PSMA1: variants seen among roughly 807,000 people sequenced by gnomAD.
PSMA1 encodes the protein proteasome subunit alpha type-1.
Under a neutral mutation model 38.4 loss-of-function variants are expected in PSMA1, and 3 were observed. The ratio of observed to expected loss-of-function variants is 0.08; its 90% CI spans 0.04 to 0.20. PSMA1 has a LOEUF of 0.20. Ranked by LOEUF, PSMA1 falls within the 10% of genes least tolerant of loss-of-function variation. The probability of loss-of-function intolerance (pLI) is 1.00; values close to 1 mark genes in which losing one functional copy is unlikely to be tolerated. For missense variants in PSMA1, 227 were observed against 325.3 expected, an observed-to-expected ratio of 0.70 and a Z score of 2.32; for synonymous variants, 101 against 107.1, an observed-to-expected ratio of 0.94 and a Z score of 0.35.
At chr11:14,561,367 T>C (rs1377568319) in intron 2 of PSMA1, among the ~76,000 whole-genome samples, 1 of 152,212 alleles carries the variant, frequency 6.6e-6, no homozygotes, top group African/African-American at 2.4e-5. Context: ...CATAGTTGCC[T>C]GCTAATGTGC....
intron 1 of PSMA1, among the ~76,000 whole-genome samples, chr11:14,623,172 C>T (rs1852869973): frequency 6.6e-6 from 1 of 152,200 alleles, no homozygotes; most frequent in East Asian, 1.9e-4. Context: ...GCAGGTAGCT[C>T]AGACCAGCAT....
intron 1 of PSMA1, among the ~76,000 whole-genome samples, chr11:14,625,099 T>A (rs1198584299): frequency 6.6e-6 from 1 of 152,134 alleles, no homozygotes; most frequent in Non-Finnish European, 1.5e-5. Flanking sequence ...TTCCCTAAAT[T>A]TGCATAGAGA....
chr11:14,567,697 A>C (rs914046772), intron 2 of PSMA1, among the ~76,000 whole-genome samples: 1 of 152,214 alleles, frequency 6.6e-6, no homozygotes, highest in Non-Finnish European at 1.5e-5. Flanking sequence ...TGAACAAAGC[A>C]ATGCCTTGCC....
exon 2 of PSMA1, chr11:14,610,974 T>G (rs763032382): frequency 6.2e-7 from 1 of 1,613,276 alleles, no homozygotes; most frequent in East Asian, 2.2e-5. Context: ...ACCTTCACCT[T>G]GCTGAGCTGC....
chr11:14,595,594 G>GT (rs892736005), intron 2 of PSMA1, among the ~76,000 whole-genome samples: 19 of 151,948 alleles, frequency 1.3e-4, no homozygotes, highest in Non-Finnish European at 2.4e-4. Flanking sequence ...ACTTTTTGAT[G>GT]TTTTTTTCTT....
intron 2 of PSMA1, among the ~76,000 whole-genome samples, chr11:14,605,285 A>G (rs933619258): frequency 6.6e-6 from 1 of 152,030 alleles, no homozygotes; most frequent in African/African-American, 2.4e-5. Flanking sequence ...TTTGATTTGC[A>G]TTTCTCTGAG....
At chr11:14,585,343 T>G (rs1421373258) in intron 2 of PSMA1, among the ~76,000 whole-genome samples, 6 of 152,228 alleles carry the variant, frequency 3.9e-5, no homozygotes, top group Admixed American at 3.9e-4. Context: ...CATCTCTCTC[T>G]ATATATATGT....
intron 2 of PSMA1, among the ~76,000 whole-genome samples, chr11:14,542,869 T>C (rs553530885): frequency 6.6e-6 from 1 of 152,308 alleles, no homozygotes; most frequent in East Asian, 1.9e-4. Flanking sequence ...TTTTCTTTCT[T>C]TCTTGAGACG....
At chr11:14,608,887 T>C (rs914656984) in intron 2 of PSMA1, among the ~76,000 whole-genome samples, 21 of 151,948 alleles carry the variant, frequency 1.4e-4, no homozygotes, top group Non-Finnish European at 4.4e-5. Flanking sequence ...CCAAAGAGAT[T>C]AAAGCCCTAA....
chr11:14,630,417 G>A (rs1852987432), intron 1 of PSMA1, among the ~76,000 whole-genome samples: 1 of 152,222 alleles, frequency 6.6e-6, no homozygotes, highest in African/African-American at 2.4e-5. Context: ...CATCTATTGA[G>A]ATAATCATCT....
At chr11:14,576,772 T>G (rs552274945) in intron 2 of PSMA1, among the ~76,000 whole-genome samples, 9 of 152,232 alleles carry the variant, frequency 5.9e-5, no homozygotes, top group Non-Finnish European at 7.3e-5. Flanking sequence ...GGCTCTGTTT[T>G]GGTTCCACGT....
At chr11:14,546,420 TTA>T (rs1185464372) in intron 2 of PSMA1, among the ~76,000 whole-genome samples, 2 of 152,054 alleles carry the variant, frequency 1.3e-5, no homozygotes, top group Admixed American at 6.6e-5. Context: ...TAATTGTTGT[TTA>T]GAGCTCTCAT....
chr11:14,571,532 A>G (rs1168027431), intron 2 of PSMA1, among the ~76,000 whole-genome samples: 2 of 151,884 alleles, frequency 1.3e-5, no homozygotes, highest in African/African-American at 4.9e-5. Flanking sequence ...ATGGAAAGGA[A>G]CAATCAGTAC....
intron 9 of PSMA1, among the ~76,000 whole-genome samples, chr11:14,505,860 G>T (rs1323012331): frequency 2.0e-5 from 3 of 152,026 alleles, no homozygotes. Flanking sequence ...AAAAAAATGT[G>T]CTGGGCATGG....
At chr11:14,620,094 G>C (rs1852824457) in intron 1 of PSMA1, among the ~76,000 whole-genome samples, 1 of 151,962 alleles carries the variant, frequency 6.6e-6, no homozygotes, top group Admixed American at 6.6e-5. Context: ...ATGTGTATGT[G>C]TATGTTTAAA....
At chr11:14,589,948 G>A (rs1852391438) in intron 2 of PSMA1, among the ~76,000 whole-genome samples, 1 of 152,212 alleles carries the variant, frequency 6.6e-6, no homozygotes, top group African/African-American at 2.4e-5. Flanking sequence ...GAGCACAAGT[G>A]TTCACTGATG....
intron 1 of PSMA1, among the ~76,000 whole-genome samples, chr11:14,633,299 T>C (rs369226322): frequency 4.4e-4 from 67 of 152,302 alleles, no homozygotes; most frequent in Non-Finnish European, 6.2e-4. Flanking sequence ...ATGATGGTGA[T>C]GTACAGATGG....
intron 2 of PSMA1, among the ~76,000 whole-genome samples, chr11:14,529,669 G>A (rs1047120885): frequency 5.9e-5 from 9 of 152,162 alleles, no homozygotes; most frequent in African/African-American, 1.7e-4. Flanking sequence ...TTATGCGTGC[G>A]TTCTTTGGTA....
At chr11:14,556,047 T>A (rs1851938187) in intron 2 of PSMA1, among the ~76,000 whole-genome samples, 1 of 152,236 alleles carries the variant, frequency 6.6e-6, no homozygotes, top group South Asian at 2.1e-4. Context: ...CCAGGGCAGC[T>A]CTCCAGCTGT....
Sources: allele counts gnomAD v4.1 joint callset (sites outside exome capture counted in the v4.1 genomes callset), GRCh38; gene constraint gnomAD v4.1.1; transcripts MANE v1.5; gene names NCBI Gene and HGNC (gene_info 2026-07-23, HGNC 2026-07-21).